Variants in AGAP1 observed in about 807,000 individuals in gnomAD.
AGAP1 encodes the protein arf-GAP with GTPase, ANK repeat and PH domain-containing protein 1.
Under a neutral mutation model 105.3 loss-of-function variants are expected in AGAP1, and 29 were observed. The ratio of observed to expected loss-of-function variants is 0.28; its 90% CI spans 0.21 to 0.38. The LOEUF is 0.38. AGAP1 is among the 10% of genes least tolerant of loss of function. The pLI, the probability that AGAP1 is intolerant of heterozygous loss-of-function variation, is 1.00. For missense variants in AGAP1, 998 were observed against 1,165.1 expected, an observed-to-expected ratio of 0.86 and a Z score of 2.09; for synonymous variants, 509 against 485.9, an observed-to-expected ratio of 1.05 and a Z score of -0.63.
intron 9 of AGAP1, among the ~76,000 whole-genome samples, chr2:235,844,804 C>T (rs1157016743): frequency 6.6e-6 from 1 of 152,204 alleles, no homozygotes; most frequent in Non-Finnish European, 1.5e-5. Context: ...GGTGCTGTCG[C>T]CCCCTCAGAA....
At position 235,993,217 on chromosome 2, in the gene AGAP1, C is replaced by A. The variant is rs1231164445; in HGVS notation, c.1645+24594C>A. The stretch of plus-strand genomic sequence containing the variant: ...GGGGAGGAGGGTGATTTGCAGTGAT[C>A]TTTTCCTCAACTCAGGCCAGTCTAT... On this transcript the variant is annotated intron_variant, in intron 13 of 17. Coordinates refer to ENST00000304032, the MANE Select transcript of AGAP1 (RefSeq NM_001037131.3). The surrounding 1 kb of genome is among the most constrained non-coding windows in gnomAD (Gnocchi z 5.0). Among the ~76,000 whole-genome samples, 4 of 152,156 alleles carry A rather than the reference C, an allele frequency of 2.6e-5. No homozygotes were observed. The highest frequency in any genetic ancestry group is 1.3e-4 in the Admixed American group (2 of 15,278).
chr2:235,637,403 A>T (rs980875053), intron 1 of AGAP1, among the ~76,000 whole-genome samples: 2 of 151,630 alleles, frequency 1.3e-5, no homozygotes, highest in African/African-American at 4.8e-5. Flanking sequence ...CCCGCAAGTG[A>T]CTAGGACCAC....
At position 235,882,095 on chromosome 2, in the gene AGAP1, GTTT is replaced by G. The variant is rs1252822715; in HGVS notation, c.1051-1247_1051-1245del. On this transcript the variant is annotated intron_variant, in intron 9 of 17. Coordinates refer to ENST00000304032, the MANE Select transcript of AGAP1 (RefSeq NM_001037131.3). The surrounding 1 kb of genome is among the most constrained non-coding windows in gnomAD (Gnocchi z 4.6). The stretch of plus-strand genomic sequence containing the variant: ...TTGGTGGGTTTTTTTGTGTTTGGTT[GTTT>G]TTGTTTTTGTTCTTTTTGGCTACAA... Among the ~76,000 whole-genome samples, 1 of 151,908 alleles carries G rather than the reference GTTT, an allele frequency of 6.6e-6. No individual in the cohort carries two copies. The highest frequency in any genetic ancestry group is 2.4e-5 in the African/African-American group (1 of 41,364).
At chr2:235,618,234 A>G (rs2149266050) in intron 1 of AGAP1, among the ~76,000 whole-genome samples, 1 of 152,286 alleles carries the variant, frequency 6.6e-6, no homozygotes, top group East Asian at 1.9e-4. Context: ...CTCCAAATAC[A>G]TGGGATGCTA....
At chr2:235,684,622 T>TGGA (rs1949281906) in intron 1 of AGAP1, among the ~76,000 whole-genome samples, 1 of 152,160 alleles carries the variant, frequency 6.6e-6, no homozygotes, top group Non-Finnish European at 1.5e-5. Context: ...AGTGATTTCT[T>TGGA]GGAGTGTGGA....
At chr2:236,037,348 G>A (rs1576132611) in intron 14 of AGAP1, 2 of 151,836 alleles carry the variant, frequency 1.3e-5, no homozygotes, top group South Asian at 2.1e-4. Flanking sequence ...ATAATGAGAG[G>A]CAATTTGTTT....
At chr2:235,826,327 G>A (rs1316813577) in intron 9 of AGAP1, among the ~76,000 whole-genome samples, 1 of 152,238 alleles carries the variant, frequency 6.6e-6, no homozygotes, top group Non-Finnish European at 1.5e-5. Flanking sequence ...GGCAGATACA[G>A]GGCCTGAGCA....
intron 16 of AGAP1, among the ~76,000 whole-genome samples, chr2:236,060,754 A>G (rs1315102147): frequency 1.3e-5 from 2 of 152,094 alleles, no homozygotes; most frequent in Non-Finnish European, 2.9e-5. Context: ...TAGAAGGTAG[A>G]TTGTCCAATT....
rs758776396 is a variant in AGAP1, at chr2:235,622,760, G to A, written c.164-86419G>A. ...TCACGTATGCCAGACTCTTCTTAGC[G>A]CTAAGCCATTTTCCCAGGCCGGGTT... On this transcript the variant is annotated intron_variant, in intron 1 of 17. Transcript: ENST00000304032. The surrounding 1 kb of genome is among the most constrained non-coding windows in gnomAD (Gnocchi z 5.0). 3.9e-5 allele frequency among the ~76,000 whole-genome samples: 6 copies of A among 151,962 alleles called. No homozygotes were observed. Among genetic ancestry groups the A allele is most frequent in the South Asian group, 2.1e-4 (1 of 4,784 alleles).
intron 1 of AGAP1, among the ~76,000 whole-genome samples, chr2:235,503,260 A>G (rs375607512): frequency 2.6e-5 from 4 of 152,250 alleles, no homozygotes; most frequent in East Asian, 3.9e-4. Flanking sequence ...TGCCCTTTTC[A>G]GTGGGGGAGA....
chr2:235,765,958 G>C (rs184284895), intron 6 of AGAP1, among the ~76,000 whole-genome samples: 1 of 152,274 alleles, frequency 6.6e-6, no homozygotes, highest in East Asian at 1.9e-4. Context: ...CACCTAGCTC[G>C]ACCCTTCCCT....
At position 235,804,470 on chromosome 2, in the gene AGAP1, C is replaced by T. The variant is rs141459705; in HGVS notation, c.958-2769C>T. 2.3e-3 allele frequency among the ~76,000 whole-genome samples: 347 copies of T among 152,254 alleles called. 2 individuals are homozygous for T. The highest frequency in any genetic ancestry group is 7.5e-3 in the African/African-American group (313 of 41,540). On this transcript the variant is annotated intron_variant, in intron 8 of 17. Transcript: ENST00000304032. ...TTTCAATGGCATTTATTTGTTTTTG[C>T]AGAGGAGCTCCTGGGTACCTCCCCT...
Position 236,124,354 on chromosome 2 carries a change from C to A in AGAP1, c.*232C>A. 1 of 592,982 alleles carries A rather than the reference C, an allele frequency of 1.7e-6. No individual in the cohort carries two copies. Among genetic ancestry groups the A allele is most frequent in the Non-Finnish European group, 3.0e-6 (1 of 334,262 alleles). The allele number at this position is 592,982 out of a possible 1,614,324, so 36.7% of individuals were successfully genotyped here. The stretch of plus-strand genomic sequence containing the variant: ...AAGTGGCTCCTTTTCATAAACTCCC[C>A]TAAACCACACACAGGAGAGAGCGAC... On this transcript the variant is annotated 3_prime_UTR_variant, in exon 18 of 18. Transcript: ENST00000304032. This position sits in a 1 kb window ranked among gnomAD's most constrained non-coding sequence, Gnocchi z 5.1.
rs963798343 is a variant in AGAP1 at position 235,559,021 on chromosome 2, C to T, written c.163+64172C>T. 6.6e-6 allele frequency among the ~76,000 whole-genome samples: 1 copy of T among 152,038 alleles called. No homozygotes were observed. The highest frequency in any genetic ancestry group is 2.4e-5 in the African/African-American group (1 of 41,382). ...CACTGCAGCCTTCGCCTCCCAGGCT[C>T]AAGAAATTCTCCCACCTCAGCCTCC... On this transcript the variant is annotated intron_variant, in intron 1 of 17. Transcript: ENST00000304032. The surrounding 1 kb of genome is among the most constrained non-coding windows in gnomAD (Gnocchi z 5.7).
chr2:235,895,548 C>A (rs960854041), intron 10 of AGAP1, among the ~76,000 whole-genome samples: 5 of 152,318 alleles, frequency 3.3e-5, no homozygotes, highest in African/African-American at 1.2e-4. Context: ...GGGAGTTTCC[C>A]CACACTCGGC....
rs980947686 is a variant in AGAP1 at position 235,843,054 on chromosome 2, A to C, written c.1050+35723A>C. Among the ~76,000 whole-genome samples, 13 of 152,210 alleles carry C rather than the reference A, an allele frequency of 8.5e-5. No individual in the cohort carries two copies. In the South Asian group the frequency reaches 2.7e-3, roughly 32 times the overall value. On this transcript the variant is annotated intron_variant, in intron 9 of 17. Coordinates refer to ENST00000304032, the MANE Select transcript of AGAP1 (RefSeq NM_001037131.3). This position sits in a 1 kb window ranked among gnomAD's most constrained non-coding sequence, Gnocchi z 5.9. ...TGTGAGATTTGATGTGAAGTTGAGG[A>C]CACGGGTCTTCATAATGAAACAGAA...
At position 235,724,036 on chromosome 2, in the gene AGAP1, C is replaced by T. The variant is rs767846440; in HGVS notation, c.310+6392C>T. Among the ~76,000 whole-genome samples the T allele has an allele frequency of 6.6e-6, 1 of 152,202 alleles. No individual in the cohort carries two copies. The highest frequency in any genetic ancestry group is 1.5e-5 in the Non-Finnish European group (1 of 68,032). Reference sequence around the variant, plus strand: ...TGCTGCCGCCACACAGAGGGATTTGCAGGGAAGGGCCTTAGCCAGGCATGA... The same window carrying T: ...TGCTGCCGCCACACAGAGGGATTTGTAGGGAAGGGCCTTAGCCAGGCATGA... On this transcript the variant is annotated intron_variant, in intron 3 of 17. Transcript: ENST00000304032. The surrounding 1 kb of genome is among the most constrained non-coding windows in gnomAD (Gnocchi z 4.9).
At chr2:235,780,532 C>T (rs992638261) in intron 6 of AGAP1, among the ~76,000 whole-genome samples, 27 of 152,038 alleles carry the variant, frequency 1.8e-4, no homozygotes, top group African/African-American at 5.8e-4. Context: ...CCCCTTCTGA[C>T]GGTGGGTAGA....
At chr2:235,572,938 C>T (rs193102118) in intron 1 of AGAP1, among the ~76,000 whole-genome samples, 12 of 152,168 alleles carry the variant, frequency 7.9e-5, no homozygotes, top group African/African-American at 2.6e-4. Context: ...AGAAGCAGCA[C>T]GAGAGTTGCT....
Sources: gnomAD v4.1 joint callset for allele counts (sites outside exome capture counted in the v4.1 genomes callset) on GRCh38, gnomAD v4.1.1 for gene constraint, Gnocchi (gnomAD v3.1) non-coding constraint, MANE v1.5 for transcripts, NCBI Gene and HGNC (gene_info 2026-07-23, HGNC 2026-07-21) for gene names.